NECAB1: variants seen among roughly 807,000 people sequenced by gnomAD.
NECAB1 encodes the protein N-terminal EF-hand calcium-binding protein 1.
A neutral mutation model predicts 57.5 loss-of-function variants in NECAB1; 29 were observed. That is an observed-to-expected ratio of 0.50 (90% CI 0.38 to 0.69). The LOEUF is 0.69. Ranked by LOEUF, NECAB1 falls within the 30% of genes least tolerant of loss-of-function variation. NECAB1 has a pLI of 0.00. For missense variants in NECAB1, 372 were observed against 413.8 expected (o/e 0.90, Z 0.88); for synonymous variants, 142 against 147.7 (o/e 0.96, Z 0.28).
chr8:90,879,774 T>C (rs1338804357), intron 4 of NECAB1, among the ~76,000 whole-genome samples: 1 of 152,252 alleles, frequency 6.6e-6, no homozygotes, highest in Non-Finnish European at 1.5e-5. Flanking sequence ...AATTAAAATG[T>C]TATTTTGAAG....
At chr8:90,795,839 A>T (rs1480497244) in intron 1 of NECAB1, among the ~76,000 whole-genome samples, 1 of 152,120 alleles carries the variant, frequency 6.6e-6, no homozygotes, top group Admixed American at 6.5e-5. Flanking sequence ...TTGTAGTTAT[A>T]GGAAACAGCA....
intron 5 of NECAB1, among the ~76,000 whole-genome samples, chr8:90,902,520 C>T (rs1192103160): frequency 1.3e-5 from 2 of 152,092 alleles, no homozygotes; most frequent in Non-Finnish European, 2.9e-5. Flanking sequence ...CTCTCTGTCT[C>T]TCTTCATGTG....
chr8:90,880,771 A>G (rs1183248148), intron 4 of NECAB1, among the ~76,000 whole-genome samples: 1 of 152,146 alleles, frequency 6.6e-6, no homozygotes, highest in Non-Finnish European at 1.5e-5. Flanking sequence ...GTAGATTCAG[A>G]TTTATTTTTT....
chr8:90,917,471 C>A, intron 5 of NECAB1, 21 bp from the exon 6 acceptor site: 1 of 1,566,328 alleles, frequency 6.4e-7, no homozygotes, highest in Non-Finnish European at 8.6e-7. Context: ...CTTCTAATTG[C>A]ATTTGTTTTG....
At chr8:90,927,867 C>T (rs534361042) in intron 7 of NECAB1, among the ~76,000 whole-genome samples, 2 of 150,860 alleles carry the variant, frequency 1.3e-5, no homozygotes, top group South Asian at 4.2e-4. Context: ...TTCACTAGCT[C>T]TTGCCACTGA....
intron 2 of NECAB1, among the ~76,000 whole-genome samples, chr8:90,810,753 T>C (rs2129670087): frequency 6.6e-6 from 1 of 152,256 alleles, no homozygotes; most frequent in East Asian, 1.9e-4. Context: ...TATATACTTA[T>C]GTAATAAAGG....
chr8:90,943,930 T>G (rs1183625621), intron 10 of NECAB1, among the ~76,000 whole-genome samples: 2 of 152,028 alleles, frequency 1.3e-5, no homozygotes, highest in Non-Finnish European at 2.9e-5. Context: ...TTTTAAAAAT[T>G]TTTTACAGAC....
At chr8:90,942,226 C>T (rs11989738) in intron 10 of NECAB1, among the ~76,000 whole-genome samples, 6 of 152,008 alleles carry the variant, frequency 3.9e-5, no homozygotes, top group Non-Finnish European at 8.8e-5. Flanking sequence ...TGGGAGGATT[C>T]AGTGAGACAG....
intron 2 of NECAB1, among the ~76,000 whole-genome samples, chr8:90,802,147 A>G (rs571387046): frequency 1.1e-4 from 16 of 152,298 alleles, no homozygotes; most frequent in Admixed American, 2.0e-4. Flanking sequence ...CTCCACACTG[A>G]GCTTTAACAT....
At chr8:90,865,490 C>T (rs552299155) in intron 3 of NECAB1, among the ~76,000 whole-genome samples, 1 of 152,252 alleles carries the variant, frequency 6.6e-6, no homozygotes, top group Admixed American at 6.5e-5. Flanking sequence ...GGCTCTGACC[C>T]ACTCAGGGTT....
At chr8:90,872,299 T>C (rs1586073881) in intron 4 of NECAB1, 146 bp downstream of exon 4, 2 of 646,538 alleles carry the variant, frequency 3.1e-6, no homozygotes, top group East Asian at 3.1e-5. Flanking sequence ...GGGATTTATC[T>C]TTACCCGTGA....
intron 3 of NECAB1, among the ~76,000 whole-genome samples, chr8:90,858,753 C>T (rs997614081): frequency 6.6e-6 from 1 of 152,104 alleles, no homozygotes; most frequent in Non-Finnish European, 1.5e-5. Context: ...ATTCCATTGG[C>T]TCGTAACTAT....
In NECAB1 at chr8:90,844,730, G is replaced by A. The variant is rs552289887; in HGVS notation, c.233+19905G>A. On this transcript the variant is annotated intron_variant, in intron 3 of 12. Transcript: ENST00000417640. ...CACTTTCACTTTCTCCCTTGTTCTAGGGAATCTTTATCCAGTTGGGAGATG... is the reference window on the plus strand; with the variant it reads ...CACTTTCACTTTCTCCCTTGTTCTAAGGAATCTTTATCCAGTTGGGAGATG... 5.9e-5 allele frequency among the ~76,000 whole-genome samples: 9 copies of A among 152,242 alleles called. No homozygotes were observed. The South Asian group carries it at 1.5e-3, about 25-fold the overall frequency.
intron 3 of NECAB1, among the ~76,000 whole-genome samples, chr8:90,860,661 C>A (rs117579739): frequency 0.015 from 2,230 of 152,216 alleles, 23 homozygotes; most frequent in Admixed American, 0.024. Context: ...TTGTCAGATT[C>A]TCAGTATCAA....
In NECAB1 at chr8:90,907,145, T is replaced by TGAGA. The variant is rs1455170539; in HGVS notation, c.358-10346_358-10345insAGAG. ...TTTTGTGTGTGTGTGTGTGTGTGTGTGTGTGTGAGAGAGAGAGAGAGAGAG... is the reference window on the plus strand; with the variant it reads ...TTTTGTGTGTGTGTGTGTGTGTGTGTGAGAGTGTGTGAGAGAGAGAGAGAGAGAG... On this transcript the variant is annotated intron_variant, in intron 5 of 12. Coordinates refer to ENST00000417640, the MANE Select transcript of NECAB1 (RefSeq NM_022351.5). 8.7e-3 allele frequency among the ~76,000 whole-genome samples: 909 copies of TGAGA among 104,100 alleles called. 14 individuals are homozygous for TGAGA. The highest frequency in any genetic ancestry group is 0.032 in the African/African-American group (650 of 20,300). The allele number at this position is 104,100 out of a possible 152,430, so 68.3% of individuals were successfully genotyped here.
intron 10 of NECAB1, among the ~76,000 whole-genome samples, chr8:90,943,340 C>T (rs191320618): frequency 1.8e-4 from 27 of 152,250 alleles, no homozygotes; most frequent in African/African-American, 6.3e-4. Context: ...TACAATTCTT[C>T]GTTCACTTCT....
intron 3 of NECAB1, among the ~76,000 whole-genome samples, chr8:90,830,049 G>A (rs575818894): frequency 6.6e-6 from 1 of 152,184 alleles, no homozygotes; most frequent in South Asian, 2.1e-4. Flanking sequence ...AGCTTGATGA[G>A]TTAGGTGATG....
intron 3 of NECAB1, among the ~76,000 whole-genome samples, chr8:90,862,330 A>G (rs934386925): frequency 1.3e-5 from 2 of 152,132 alleles, no homozygotes; most frequent in African/African-American, 4.8e-5. Flanking sequence ...TGGCTAGGTA[A>G]TGAAGTGGGA....
intron 12 of NECAB1, among the ~76,000 whole-genome samples, chr8:90,952,459 G>A (rs1341939411): frequency 6.6e-6 from 1 of 152,056 alleles, no homozygotes; most frequent in Non-Finnish European, 1.5e-5. Flanking sequence ...GGGATGAGTG[G>A]GGGATGTATA....
Sources: allele counts gnomAD v4.1 joint callset (sites outside exome capture counted in the v4.1 genomes callset), GRCh38; gene constraint gnomAD v4.1.1; transcripts MANE v1.5; gene names NCBI Gene and HGNC (gene_info 2026-07-23, HGNC 2026-07-21).